Variants in TUSC3 observed in about 807,000 individuals in gnomAD.
The protein encoded by TUSC3 is dolichyl-diphosphooligosaccharide--protein glycosyltransferase subunit TUSC3.
TUSC3 carries 45 observed loss-of-function variants against 44.8 expected under a neutral mutation model. The ratio of observed to expected loss-of-function variants is 1.00; its 90% CI spans 0.79 to 1.29. The LOEUF is 1.29. TUSC3 is among the 50% of genes most tolerant of loss of function. The pLI, the probability that TUSC3 is intolerant of heterozygous loss-of-function variation, is 0.00. For missense variants in TUSC3, 519 were observed against 437.9 expected (o/e 1.19, Z -1.65); for synonymous variants, 212 against 152.9 (o/e 1.39, Z -2.85).
At chr8:15,463,428 A>T (rs1563257882) in intron 1 of TUSC3, among the ~76,000 whole-genome samples, 1 of 152,130 alleles carries the variant, frequency 6.6e-6, no homozygotes, top group Non-Finnish European at 1.5e-5. Context: ...AATTATTTTT[A>T]AAAGATAATG....
chr8:15,652,943 C>T (rs899259116), intron 3 of TUSC3, among the ~76,000 whole-genome samples: 7 of 152,238 alleles, frequency 4.6e-5, no homozygotes, highest in Middle Eastern at 3.4e-3. Flanking sequence ...TGTTTTGTTA[C>T]GATACCTGAT....
the TUSC3 span, chr8:15,806,631 C>G: frequency 7.3e-7 from 1 of 1,377,352 alleles, no homozygotes; most frequent in Non-Finnish European, 1.0e-6. Context: ...CTTTCAGTGT[C>G]ATGGACTTCA....
chr8:15,532,783 A>G (rs1201446429), intron 2 of TUSC3, among the ~76,000 whole-genome samples: 1 of 152,164 alleles, frequency 6.6e-6, no homozygotes, highest in African/African-American at 2.4e-5. Context: ...ATGATAATGA[A>G]TAAGTCTTAT....
chr8:15,659,420 T>C, intron 3 of TUSC3, 87 bp from the exon 4 acceptor site: 1 of 1,508,838 alleles, frequency 6.6e-7, no homozygotes, highest in South Asian at 1.2e-5. Flanking sequence ...AATGCTGTTT[T>C]CCCCGAATTT....
chr8:15,573,194 C>A (rs1223287869), intron 1 of TUSC3, among the ~76,000 whole-genome samples: 37 of 104,714 alleles, frequency 3.5e-4, no homozygotes, highest in Admixed American at 7.0e-4. Context: ...CTCTCTCTCT[C>A]TCTCTCTCTA....
chr8:15,663,235 A>G (rs535382855), intron 5 of TUSC3, among the ~76,000 whole-genome samples: 23 of 151,882 alleles, frequency 1.5e-4, no homozygotes, highest in Non-Finnish European at 4.4e-5. Context: ...GACTAGATAC[A>G]TATACATATA....
chr8:15,555,574 AT>A (rs1802230877), intron 1 of TUSC3, among the ~76,000 whole-genome samples: 1 of 151,432 alleles, frequency 6.6e-6, no homozygotes, highest in African/African-American at 2.4e-5. Flanking sequence ...GGATTACAGT[AT>A]TACAGTCTTA....
intron 2 of TUSC3, among the ~76,000 whole-genome samples, chr8:15,647,994 C>G (rs1286042764): frequency 6.6e-6 from 1 of 152,094 alleles, no homozygotes; most frequent in Non-Finnish European, 1.5e-5. Context: ...TTTCTCATTC[C>G]TCTTATTCAG....
chr8:15,671,054 A>T (rs1807926417), intron 5 of TUSC3, among the ~76,000 whole-genome samples: 1 of 151,976 alleles, frequency 6.6e-6, no homozygotes, highest in South Asian at 2.1e-4. Context: ...GTAAAGATGG[A>T]TATCAAGTGG....
At chr8:15,618,694 A>T (rs889980301) in intron 1 of TUSC3, among the ~76,000 whole-genome samples, 1 of 152,210 alleles carries the variant, frequency 6.6e-6, no homozygotes, top group Admixed American at 6.5e-5. Context: ...AGTATAGTAA[A>T]TACATAAAAC....
At chr8:15,433,753 G>T (rs149658830) in intron 1 of TUSC3, among the ~76,000 whole-genome samples, 7 of 152,046 alleles carry the variant, frequency 4.6e-5, no homozygotes, top group African/African-American at 1.4e-4. Context: ...GTTAATTCAC[G>T]TTGTGTGTTT....
chr8:15,784,488 T>C, the TUSC3 span, among the ~76,000 whole-genome samples: 3 of 148,516 alleles, frequency 2.0e-5, no homozygotes, highest in Non-Finnish European at 4.5e-5. Context: ...ATTCGAAAAA[T>C]GTTATGTGTA....
intron 6 of TUSC3, among the ~76,000 whole-genome samples, chr8:15,722,821 A>G (rs1439181380): frequency 3.0e-5 from 4 of 133,110 alleles, no homozygotes; most frequent in Non-Finnish European, 6.6e-5. Context: ...TATTAAAAAA[A>G]CTGTTTAAAT....
At chr8:15,680,434 A>G (rs1457918413) in intron 6 of TUSC3, among the ~76,000 whole-genome samples, 2 of 151,998 alleles carry the variant, frequency 1.3e-5, no homozygotes, top group Non-Finnish European at 2.9e-5. Context: ...AATGCTACTA[A>G]TTTTCATAGA....
chr8:15,417,655 C>T (rs1474278145), intron 1 of TUSC3, among the ~76,000 whole-genome samples: 2 of 152,184 alleles, frequency 1.3e-5, no homozygotes, highest in Non-Finnish European at 2.9e-5. Flanking sequence ...GAAAATATTG[C>T]TGCATATTCA....
At chr8:15,660,665 A>G (rs922812196) in intron 4 of TUSC3, among the ~76,000 whole-genome samples, 6 of 151,910 alleles carry the variant, frequency 3.9e-5, no homozygotes, top group Non-Finnish European at 8.8e-5. Flanking sequence ...GTCATTGTAA[A>G]ATTATATCAT....
chr8:15,727,024 A>C (rs1360585188), intron 6 of TUSC3, among the ~76,000 whole-genome samples: 1 of 152,140 alleles, frequency 6.6e-6, no homozygotes, highest in African/African-American at 2.4e-5. Flanking sequence ...AGTTACTGAT[A>C]CGTCCCTCAC....
chr8:15,792,142 AC>A, the TUSC3 span, among the ~76,000 whole-genome samples: 3 of 146,562 alleles, frequency 2.0e-5, no homozygotes, highest in Non-Finnish European at 3.0e-5. Context: ...ACACACACAC[AC>A]ACCCTCTACC....
intron 1 of TUSC3, among the ~76,000 whole-genome samples, chr8:15,482,007 C>T (rs895349275): frequency 6.6e-6 from 1 of 152,188 alleles, no homozygotes; most frequent in Admixed American, 6.5e-5. Flanking sequence ...AATCCAGCTG[C>T]TTCTTTATTA....
Sources: allele counts gnomAD v4.1 joint callset (sites outside exome capture counted in the v4.1 genomes callset), GRCh38; gene constraint gnomAD v4.1.1; transcripts MANE v1.5; gene names NCBI Gene and HGNC (gene_info 2026-07-23, HGNC 2026-07-21).